HOOK1: variants seen among roughly 807,000 people sequenced by gnomAD.
HOOK1 encodes the protein protein Hook homolog 1.
A neutral mutation model predicts 112.8 loss-of-function variants in HOOK1; 60 were observed. The observed-to-expected ratio is 0.53, with a 90% CI of 0.43 to 0.66. HOOK1 has a LOEUF of 0.66. HOOK1 is among the 30% of genes least tolerant of loss of function. The pLI is 0.00. For missense variants in HOOK1, 770 were observed against 856.0 expected, an observed-to-expected ratio of 0.90 and a Z score of 1.25; for synonymous variants, 294 against 283.8, an observed-to-expected ratio of 1.04 and a Z score of -0.36.
chr1:59,852,796 G>T (rs1190496037), intron 12 of HOOK1, among the ~76,000 whole-genome samples: 1 of 150,650 alleles, frequency 6.6e-6, no homozygotes, highest in African/African-American at 2.4e-5. Flanking sequence ...ATTTACCTCA[G>T]GATTTATTTT....
At chr1:59,823,147 C>A (rs1260237180) in intron 2 of HOOK1, among the ~76,000 whole-genome samples, 2 of 152,086 alleles carry the variant, frequency 1.3e-5, no homozygotes, top group Non-Finnish European at 2.9e-5. Context: ...GGTGAAACCC[C>A]ATCTCTACTA....
At chr1:59,855,957 T>TAAAAAAAAAAAAAAA (rs1418665294) in intron 12 of HOOK1, among the ~76,000 whole-genome samples, 22 of 104,460 alleles carry the variant, frequency 2.1e-4, no homozygotes, top group African/African-American at 9.5e-4. Flanking sequence ...TATATATATA[T>TAAAAAAAAAAAAAAA]ATAAATTATT....
intron 8 of HOOK1, among the ~76,000 whole-genome samples, chr1:59,841,666 A>C (rs998888355): frequency 5.3e-5 from 8 of 152,138 alleles, no homozygotes; most frequent in Admixed American, 4.6e-4. Flanking sequence ...TTCACCCTGT[A>C]AAATACCTTG....
At chr1:59,844,203 A>G (rs2098402457) in intron 9 of HOOK1, among the ~76,000 whole-genome samples, 1 of 151,964 alleles carries the variant, frequency 6.6e-6, no homozygotes, top group South Asian at 2.1e-4. Context: ...ACTCAGATTC[A>G]ACAATTATTT....
Position 59,843,419 on chromosome 1 carries a change from A to C in HOOK1, c.622-13A>C. 1 of 1,586,502 alleles carries C rather than the reference A, an allele frequency of 6.3e-7. No individual in the cohort carries two copies. The highest frequency in any genetic ancestry group is 1.1e-5 in the South Asian group (1 of 87,600). ...TTTCTACTGGTGCTTATGTATGTGT[A>C]TTTGTTTCTTAGGTGACTACACTTC... On this transcript the variant is annotated splice_polypyrimidine_tract_variant and intron_variant, in intron 8 of 21. Transcript: ENST00000371208.
At chr1:59,827,216 AG>A (rs2098390644) in intron 2 of HOOK1, among the ~76,000 whole-genome samples, 1 of 152,216 alleles carries the variant, frequency 6.6e-6, no homozygotes, top group African/African-American at 2.4e-5. Context: ...GGGGGAGTTC[AG>A]CCTTTTTCTT....
intron 8 of HOOK1, among the ~76,000 whole-genome samples, chr1:59,841,572 C>T (rs2098401032): frequency 1.3e-5 from 2 of 152,088 alleles, no homozygotes; most frequent in Non-Finnish European, 2.9e-5. Flanking sequence ...TTCTCCTTCG[C>T]ACCTTTCCTA....
chr1:59,872,975 A>G lies in HOOK1; in HGVS notation c.*10A>G, dbSNP rs1396720233. On this transcript the variant is annotated 3_prime_UTR_variant, in exon 22 of 22. Coordinates refer to ENST00000371208, the MANE Select transcript of HOOK1 (RefSeq NM_015888.6). ...TACAACATCTGATTAAACTGCAAAA[A>G]AAACAAAACAAAACAAAAAAACCAC... The G allele has an allele frequency of 2.1e-6, 3 of 1,437,124 alleles. No homozygotes were observed. The highest frequency in any genetic ancestry group is 2.8e-6 in the Non-Finnish European group (3 of 1,081,950). 89.0% of individuals were successfully genotyped at this position (1,437,124 alleles called of 1,614,324 possible).
Position 59,865,189 on chromosome 1 carries a change from A to T in HOOK1, c.1688A>T (p.Glu563Val). 2.5e-6 allele frequency: 4 copies of T among 1,608,058 alleles called. No individual in the cohort carries two copies. The highest frequency in any genetic ancestry group is 3.4e-6 in the Non-Finnish European group (4 of 1,174,602). The change falls in exon 18 of 22, where the codon GAA becomes GTA. Residue 563 changes from glutamate (E) to valine (V), a missense_variant. Coordinates refer to ENST00000371208, the MANE Select transcript of HOOK1 (RefSeq NM_015888.6). Reference protein sequence around the residue: ...HMEKLTEVHEELQKKQELIED... With the variant: ...HMEKLTEVHEVLQKKQELIED... ...GAAAAACTCACAGAGGTCCATGAAG[A>T]ATTACAGAAGAAACAAGAACTCATT... is the stretch of plus-strand genomic sequence containing the variant.
In HOOK1 at chr1:59,871,106, A is replaced by G. The variant is rs1644049113; in HGVS notation, c.2012A>G (p.Asn671Ser). The G allele has an allele frequency of 1.9e-6, 3 of 1,610,122 alleles. No individual in the cohort carries two copies. In the South Asian group the frequency reaches 3.3e-5, roughly 18 times the overall value. Residue 671 changes from asparagine to serine, a missense_variant, in exon 21 of 22, where the codon AAT becomes AGT. Transcript: ENST00000371208. The part of the protein sequence containing the change: ...EEKLIVSAWY[N>S]KSLAFQKLGM... ...AAACTCATTGTTTCTGCGTGGTATA[A>G]TAAGGTGAGCTGAAGTTCAGCAAAT...
In HOOK1 at chr1:59,814,985, C is replaced by G. The variant is rs1222323845; in HGVS notation, c.-133C>G. 1 of 867,556 alleles carries G rather than the reference C, an allele frequency of 1.2e-6. No individual in the cohort carries two copies. Among genetic ancestry groups the G allele is most frequent in the Admixed American group, 2.3e-5 (1 of 42,584 alleles). The allele number at this position is 867,556 out of a possible 1,614,324, so 53.7% of individuals were successfully genotyped here. ...CGCGTCGACAGCGCGAGGGTTCGCG[C>G]GTGAGCTGCGCGGGTCGGGCCTGGT... On this transcript the variant is annotated 5_prime_UTR_variant, in exon 1 of 22. Transcript: ENST00000371208.
intron 20 of HOOK1, among the ~76,000 whole-genome samples, chr1:59,870,064 C>T (rs1234312852): frequency 6.6e-6 from 1 of 152,124 alleles, no homozygotes; most frequent in East Asian, 1.9e-4. Flanking sequence ...GTTACTTCTC[C>T]TCTCTGGCTC....
intron 14 of HOOK1, 132 bp downstream of exon 14, chr1:59,859,177 C>T (rs2098412266): frequency 3.0e-6 from 1 of 335,244 alleles, no homozygotes; most frequent in Admixed American, 4.8e-5. Flanking sequence ...TCTACTTAAA[C>T]TTTCTAAATC....
At chr1:59,828,631 A>G (rs1388206402) in intron 2 of HOOK1, 149 bp from the exon 3 acceptor site, 3 of 561,974 alleles carry the variant, frequency 5.3e-6, no homozygotes, top group Admixed American at 3.5e-5. Flanking sequence ...ATAACTTAAT[A>G]TGATAAATTA....
At chr1:59,825,776 G>T (rs547554550) in intron 2 of HOOK1, among the ~76,000 whole-genome samples, 30 of 152,258 alleles carry the variant, frequency 2.0e-4, no homozygotes, top group African/African-American at 7.2e-4. Context: ...TTTTTACTTT[G>T]CAGTATTAAT....
intron 21 of HOOK1, among the ~76,000 whole-genome samples, chr1:59,871,751 C>T (rs951187455): frequency 1.3e-5 from 2 of 152,184 alleles, no homozygotes; most frequent in Non-Finnish European, 2.9e-5. Context: ...ACTTTTATCT[C>T]TTATTTATAC....
In HOOK1 at chr1:59,874,199, G is replaced by A. The variant is rs2102083438; in HGVS notation, c.*1234G>A. On this transcript the variant is annotated 3_prime_UTR_variant, in exon 22 of 22. Transcript: ENST00000371208. ...TTTCAGATGCTCAATAGCCACATGT[G>A]GCTAGTGGGTACCATATTGGACAGG... 1 of 152,138 alleles carries A rather than the reference G, an allele frequency of 6.6e-6. No homozygotes were observed. The highest frequency in any genetic ancestry group is 6.5e-5 in the Admixed American group (1 of 15,290). The allele number at this position is 152,138 out of a possible 1,614,324, so 9.4% of individuals were successfully genotyped here.
At chr1:59,836,555 A>G (rs2098397792) in intron 6 of HOOK1, among the ~76,000 whole-genome samples, 1 of 152,344 alleles carries the variant, frequency 6.6e-6, no homozygotes, top group South Asian at 2.1e-4. Flanking sequence ...ATCCCTTTAA[A>G]AATTATTTAA....
chr1:59,868,185 A>T (rs913760752), intron 19 of HOOK1, 65 bp from the exon 20 acceptor site: 1 of 854,830 alleles, frequency 1.2e-6, no homozygotes, highest in Non-Finnish European at 1.9e-6. Flanking sequence ...TTTTTGTAAG[A>T]TATGTTCTAT....
Sources: gnomAD v4.1 joint callset for allele counts (sites outside exome capture counted in the v4.1 genomes callset) on GRCh38, gnomAD v4.1.1 for gene constraint, MANE v1.5 for transcripts, NCBI Gene and HGNC (gene_info 2026-07-23, HGNC 2026-07-21) for gene names.